XYLT1: variants seen among roughly 807,000 people sequenced by gnomAD.
The protein encoded by XYLT1 is beta-D-xylosyltransferase 1.
XYLT1 carries 36 observed loss-of-function variants against 91.3 expected under a neutral mutation model. That is an observed-to-expected ratio of 0.39 (90% confidence interval 0.30 to 0.52). XYLT1 has a LOEUF of 0.52. XYLT1 is among the 20% of genes least tolerant of loss of function. The pLI is 0.68. For missense variants in XYLT1, 1,242 were observed against 1,284.5 expected, an observed-to-expected ratio of 0.97 and a Z score of 0.51; for synonymous variants, 588 against 532.0, an observed-to-expected ratio of 1.11 and a Z score of -1.45.
intron 2 of XYLT1, among the ~76,000 whole-genome samples, chr16:17,345,884 CA>C (rs1378118087): frequency 1.3e-5 from 2 of 152,160 alleles, no homozygotes; most frequent in Non-Finnish European, 2.9e-5. Flanking sequence ...GATCTCGGCT[CA>C]CTGCAACCTC....
intron 1 of XYLT1, among the ~76,000 whole-genome samples, chr16:17,456,140 G>C (rs988877288): frequency 6.6e-6 from 1 of 152,036 alleles, no homozygotes; most frequent in Non-Finnish European, 1.5e-5. Context: ...TCAGGGTGAG[G>C]GTACTTCTAC....
At chr16:17,305,236 G>C (rs1452397178) in intron 2 of XYLT1, among the ~76,000 whole-genome samples, 1 of 152,082 alleles carries the variant, frequency 6.6e-6, no homozygotes, top group African/African-American at 2.4e-5. Context: ...TTAGATTCCA[G>C]TTCATGTGTC....
chr16:17,464,076 G>A (rs1370472479), intron 1 of XYLT1, among the ~76,000 whole-genome samples: 1 of 151,760 alleles, frequency 6.6e-6, no homozygotes. Flanking sequence ...GATTAGGGGA[G>A]TAGGGAGGAA....
chr16:17,392,110 C>G (rs2035827166), intron 1 of XYLT1, among the ~76,000 whole-genome samples: 1 of 152,170 alleles, frequency 6.6e-6, no homozygotes, highest in East Asian at 1.9e-4. Flanking sequence ...ATTTGTAAAT[C>G]CTACATGACT....
intron 1 of XYLT1, among the ~76,000 whole-genome samples, chr16:17,383,750 T>C (rs988944229): frequency 6.9e-6 from 1 of 144,288 alleles, no homozygotes; most frequent in Admixed American, 7.0e-5. Flanking sequence ...AAGTGGAATT[T>C]TCTTTTTTTT....
chr16:17,234,707 T>TAAATAAAG (rs1338750383), intron 3 of XYLT1, among the ~76,000 whole-genome samples: 2 of 150,980 alleles, frequency 1.3e-5, no homozygotes, highest in Admixed American at 6.6e-5. Context: ...AATAAATAAA[T>TAAATAAAG]AAATAAATAA....
chr16:17,117,511 A>T, intron 11 of XYLT1, 135 bp downstream of exon 11: 1 of 901,664 alleles, frequency 1.1e-6, no homozygotes, highest in Non-Finnish European at 1.6e-6. Context: ...AGAGAAAAGT[A>T]TTGAGAGCAA....
rs906275352 is a variant in XYLT1, at chr16:17,117,931, C to G, written c.2272G>C (p.Gly758Arg). 7 of 1,613,908 alleles carry G rather than the reference C, an allele frequency of 4.3e-6. No individual in the cohort carries two copies. The Admixed American group carries it at 6.7e-5, about 15-fold the overall frequency. The stretch of plus-strand genomic sequence containing the variant: ...GGCTCATCCATGGGCCCCAGAAGAC[C>G]CCCAAAGTTGCGGAATAGCCTCTCC... ...AKERLFRNFG[G>R]LLGPMDEPVG... Residue 758 changes from glycine to arginine, a missense_variant, in exon 11 of 12, where the codon GGT becomes CGT. By Grantham distance (125) the Gly-to-Arg change is moderately radical. This residue lies in a region of XYLT1 where 511 missense variants were observed against 497.0 expected (regional missense o/e 1.03). Coordinates refer to ENST00000261381, the MANE Select transcript of XYLT1 (RefSeq NM_022166.4).
At chr16:17,392,852 A>G (rs1454813989) in intron 1 of XYLT1, among the ~76,000 whole-genome samples, 1 of 152,052 alleles carries the variant, frequency 6.6e-6, no homozygotes, top group African/African-American at 2.4e-5. Flanking sequence ...GTTTCCCTCC[A>G]CTTTATGTTT....
intron 1 of XYLT1, among the ~76,000 whole-genome samples, chr16:17,433,776 TAGCTTC>T (rs1240955565): frequency 6.6e-6 from 1 of 152,204 alleles, no homozygotes. Flanking sequence ...TCAGGAACAC[TAGCTTC>T]ACAGCCAGAG....
intron 2 of XYLT1, among the ~76,000 whole-genome samples, chr16:17,331,645 C>T (rs1182326616): frequency 6.6e-6 from 1 of 152,152 alleles, no homozygotes; most frequent in African/African-American, 2.4e-5. Flanking sequence ...GATACACACA[C>T]ACATATGGTA....
chr16:17,162,740 C>A (rs7185607), intron 5 of XYLT1, among the ~76,000 whole-genome samples: 64,468 of 152,066 alleles, frequency 0.42, 14,648 homozygotes, highest in African/African-American at 0.58. Flanking sequence ...CAGAGCTCAC[C>A]CAATATCTAT....
At chr16:17,265,326 T>C (rs2033788736) in intron 2 of XYLT1, among the ~76,000 whole-genome samples, 1 of 152,138 alleles carries the variant, frequency 6.6e-6, no homozygotes, top group Non-Finnish European at 1.5e-5. Flanking sequence ...CAATTAACAC[T>C]CTCTCTCCCC....
At chr16:17,183,655 C>T (rs1285411055) in intron 5 of XYLT1, among the ~76,000 whole-genome samples, 1 of 152,154 alleles carries the variant, frequency 6.6e-6, no homozygotes, top group East Asian at 1.9e-4. Context: ...ATCACTTGGC[C>T]TAGAATCCTA....
At chr16:17,462,896 C>T (rs1305600552) in intron 1 of XYLT1, among the ~76,000 whole-genome samples, 1 of 152,100 alleles carries the variant, frequency 6.6e-6, no homozygotes, top group East Asian at 1.9e-4. Context: ...TAGAACAGTG[C>T]CTGGCAAACA....
intron 3 of XYLT1, among the ~76,000 whole-genome samples, chr16:17,229,319 C>G (rs914164627): frequency 6.6e-6 from 1 of 152,176 alleles, no homozygotes; most frequent in Non-Finnish European, 1.5e-5. Flanking sequence ...TTGCCTCCAT[C>G]CTCCTTGTGC....
intron 3 of XYLT1, among the ~76,000 whole-genome samples, chr16:17,239,187 G>C (rs1015408409): frequency 3.3e-5 from 5 of 151,972 alleles, no homozygotes. Context: ...TTGCAGACTT[G>C]GACCCCTGTA....
intron 2 of XYLT1, among the ~76,000 whole-genome samples, chr16:17,299,765 G>C (rs915141941): frequency 3.3e-5 from 5 of 152,182 alleles, no homozygotes; most frequent in Non-Finnish European, 7.3e-5. Context: ...GCCCAGGAAG[G>C]TCTGCAGAAT....
At chr16:17,216,480 A>G (rs545604586) in intron 3 of XYLT1, among the ~76,000 whole-genome samples, 2 of 152,328 alleles carry the variant, frequency 1.3e-5, no homozygotes, top group South Asian at 2.1e-4. Context: ...TAAACCATAA[A>G]TATGTTCTGC....
Sources: gnomAD v4.1 joint callset for allele counts (sites outside exome capture counted in the v4.1 genomes callset) on GRCh38, gnomAD v4.1.1 for gene constraint, gnomAD v4.1.1 regional missense constraint, MANE v1.5 for transcripts, NCBI Gene and HGNC (gene_info 2026-07-23, HGNC 2026-07-21) for gene names.